The following EPM2A variants were observed in gnomAD, a reference collection of about 807,000 sequenced individuals.
The protein encoded by EPM2A is laforin.
Under a neutral mutation model 26.5 loss-of-function variants are expected in EPM2A, and 21 were observed. That is an observed-to-expected ratio of 0.79 (90% CI 0.56 to 1.14). EPM2A has a LOEUF of 1.14. Ranked by LOEUF, EPM2A falls within the 50% of genes most tolerant of loss-of-function variation. The pLI is 0.00. For synonymous variants in EPM2A, 217 were observed against 177.6 expected (o/e 1.22, Z -1.76); for missense variants, 458 against 440.8 (o/e 1.04, Z -0.35).
intron 1 of EPM2A, among the ~76,000 whole-genome samples, chr6:145,702,468 AAAAAGAAG>A (rs1433087717): frequency 1.5e-5 from 2 of 134,912 alleles, no homozygotes; most frequent in African/African-American, 3.9e-5. Context: ...TCTTATTTGC[AAAAAGAAG>A]AAAAAAAGAA....
At chr6:145,647,896 T>C (rs1482209633) in intron 2 of EPM2A, among the ~76,000 whole-genome samples, 1 of 152,268 alleles carries the variant, frequency 6.6e-6, no homozygotes, top group African/African-American at 2.4e-5. Flanking sequence ...AATTATTTGT[T>C]GAATTTAGCT....
chr6:145,658,785 A>T (rs1778475038), intron 2 of EPM2A, among the ~76,000 whole-genome samples: 1 of 152,238 alleles, frequency 6.6e-6, no homozygotes, highest in Admixed American at 6.5e-5. Flanking sequence ...TTGATTTTTA[A>T]ATAAATTAAT....
At chr6:145,479,335 T>C (rs1451915979) in intron 4 of EPM2A, among the ~76,000 whole-genome samples, 1 of 148,122 alleles carries the variant, frequency 6.8e-6, no homozygotes, top group Non-Finnish European at 1.5e-5. Flanking sequence ...ATATATATGA[T>C]TCAAGGGTAT....
intron 2 of EPM2A, among the ~76,000 whole-genome samples, chr6:145,514,798 A>G (rs1780102691): frequency 6.6e-6 from 1 of 152,218 alleles, no homozygotes; most frequent in Non-Finnish European, 1.5e-5. Flanking sequence ...TTGCTCCAAA[A>G]TTATCAATAG....
intron 2 of EPM2A, among the ~76,000 whole-genome samples, chr6:145,675,330 C>T (rs973047317): frequency 3.9e-5 from 6 of 152,202 alleles, no homozygotes; most frequent in African/African-American, 1.4e-4. Flanking sequence ...ACTGCAAAAA[C>T]ATGCCAAATA....
In EPM2A at chr6:145,686,313, T is replaced by C. The variant is rs1286332017; in HGVS notation, c.302-17A>G. 5 of 1,606,208 alleles carry C rather than the reference T, an allele frequency of 3.1e-6. No homozygotes were observed. The highest frequency in any genetic ancestry group is 3.3e-4 in the Middle Eastern group (2 of 6,040). On this transcript the variant is annotated splice_polypyrimidine_tract_variant and intron_variant, in intron 1 of 3. Transcript: ENST00000367519. The stretch of plus-strand genomic sequence containing the variant: ...GTCCATTGCCTAGAACAAGAAAAAA[T>C]GATAAACAGAGCAATTAAATCAGTG...
intron 2 of EPM2A, among the ~76,000 whole-genome samples, chr6:145,519,751 C>A (rs1780178816): frequency 6.6e-6 from 1 of 152,040 alleles, no homozygotes; most frequent in Non-Finnish European, 1.5e-5. Context: ...AGCCAATTTG[C>A]CAGTCTCAGA....
chr6:145,650,600 G>C (rs947249354), intron 2 of EPM2A, among the ~76,000 whole-genome samples: 1 of 151,680 alleles, frequency 6.6e-6, no homozygotes, highest in African/African-American at 2.4e-5. Context: ...TATTAATCAA[G>C]TACAATCCTA....
At chr6:145,594,786 C>A (rs1781318825) in intron 2 of EPM2A, among the ~76,000 whole-genome samples, 1 of 151,628 alleles carries the variant, frequency 6.6e-6, no homozygotes, top group Admixed American at 6.6e-5. Flanking sequence ...ATTTCCATCA[C>A]AAGAATTTAG....
intron 2 of EPM2A, among the ~76,000 whole-genome samples, chr6:145,678,099 C>T (rs528193991): frequency 1.3e-5 from 2 of 152,216 alleles, no homozygotes; most frequent in African/African-American, 4.8e-5. Flanking sequence ...TAACGGAACA[C>T]AACAGAGGCC....
At chr6:145,660,479 C>A (rs554836853) in intron 2 of EPM2A, among the ~76,000 whole-genome samples, 1 of 152,176 alleles carries the variant, frequency 6.6e-6, no homozygotes, top group Admixed American at 6.5e-5. Flanking sequence ...ACTCCAATAT[C>A]TAACTCCTAG....
At chr6:145,396,379 G>C (rs1357648407) in intron 4 of EPM2A, among the ~76,000 whole-genome samples, 5 of 152,120 alleles carry the variant, frequency 3.3e-5, no homozygotes, top group Admixed American at 6.6e-5. Context: ...GGAGGAATTA[G>C]ATAAAACAAA....
intron 4 of EPM2A, among the ~76,000 whole-genome samples, chr6:145,459,439 T>C (rs1449191814): frequency 1.3e-5 from 2 of 152,228 alleles, no homozygotes; most frequent in African/African-American, 4.8e-5. Flanking sequence ...GTTGTTTGTT[T>C]ATTACACTTC....
Position 145,626,223 on chromosome 6 carries a change from T to G in EPM2A, c.*1193A>C. On this transcript the variant is annotated 3_prime_UTR_variant, in exon 4 of 4. Transcript: ENST00000367519. ...GGTCTGTTTCTAGGCAGCACATTTT[T>G]GAAGGCAAAGTTGTTCATCTCTGTA... 18 of 991,834 alleles carry G rather than the reference T, an allele frequency of 1.8e-5. No individual in the cohort carries two copies. The highest frequency in any genetic ancestry group is 2.2e-5 in the Non-Finnish European group (18 of 833,740). 61.4% of individuals were successfully genotyped at this position (991,834 alleles called of 1,614,324 possible). A position where few individuals can be genotyped will look rare whatever the true frequency, so the allele number is the denominator to read the frequency against.
intron 1 of EPM2A, among the ~76,000 whole-genome samples, chr6:145,689,852 T>C (rs1022687771): frequency 2.0e-5 from 3 of 152,206 alleles, no homozygotes; most frequent in Admixed American, 6.5e-5. Context: ...GTTGGCAATA[T>C]AGTGGAGTCC....
chr6:145,601,536 T>G (rs1781416794), intron 2 of EPM2A, among the ~76,000 whole-genome samples: 1 of 152,194 alleles, frequency 6.6e-6, no homozygotes, highest in Admixed American at 6.5e-5. Context: ...GGAATATTCA[T>G]TCCTTTGTTC....
upstream of EPM2A, chr6:145,735,739 C>A: frequency 1.4e-6 from 1 of 732,064 alleles, no homozygotes; most frequent in Non-Finnish European, 1.7e-6. Flanking sequence ...CCCGCAACCC[C>A]GCGGGCGGTT....
In EPM2A at chr6:145,635,423, C is replaced by T. The variant is rs750776112; in HGVS notation, c.540G>A (p.Leu180=). ...PRQVEHVTIK[L]KHELGITAVM... is the part of the protein sequence containing the mutation. ...CAGCTGTAATCCCCAATTCATGCTT[C>T]AGTTTGATGGTTACATGTTCCACCT... Residue 180 remains leucine, a synonymous_variant, in exon 3 of 4, where the codon CTG becomes CTA. Transcript: ENST00000367519. 3 of 1,614,006 alleles carry T rather than the reference C, an allele frequency of 1.9e-6. No homozygotes were observed. The Admixed American group carries it at 5.0e-5, about 27-fold the overall frequency.
In EPM2A at chr6:145,627,117, A is replaced by G. The variant is rs1775865841; in HGVS notation, c.*299T>C. The G allele has an allele frequency of 7.7e-7, 1 of 1,304,124 alleles. No homozygotes were observed. The allele number at this position is 1,304,124 out of a possible 1,614,324, so 80.8% of individuals were successfully genotyped here. On this transcript the variant is annotated 3_prime_UTR_variant, in exon 4 of 4. Coordinates refer to ENST00000367519, the MANE Select transcript of EPM2A (RefSeq NM_005670.4). ...TGCAACACATACAGTGCTGTAAAGC[A>G]AAGGCCTCGTCTGCCTGCAGGCAGC...
Sources: gnomAD v4.1 joint callset for allele counts (sites outside exome capture counted in the v4.1 genomes callset) on GRCh38, gnomAD v4.1.1 for gene constraint, MANE v1.5 for transcripts, NCBI Gene and HGNC (gene_info 2026-07-23, HGNC 2026-07-21) for gene names.